Variants in PCDHGA2 observed in about 807,000 individuals in gnomAD.
The protein encoded by PCDHGA2 is protocadherin gamma subfamily A, 2.
In PCDHGA2, 40 loss-of-function variants were observed where a neutral mutation model predicts 59.2. That is an observed-to-expected ratio of 0.68 (90% CI 0.52 to 0.88). The LOEUF (loss-of-function observed/expected upper bound fraction) is 0.88, where lower values mean the gene tolerates loss of function less well. PCDHGA2 is among the 40% of genes least tolerant of loss of function. The probability of loss-of-function intolerance (pLI) is 0.00; values close to 1 mark genes in which losing one functional copy is unlikely to be tolerated. For missense variants in PCDHGA2, 1,226 were observed against 1,204.0 expected, an observed-to-expected ratio of 1.02 and a Z score of -0.27; for synonymous variants, 560 against 526.0, an observed-to-expected ratio of 1.06 and a Z score of -0.89.
At chr5:141,378,359 C>G (rs1254608030) in intron 1 of PCDHGA2, 1 of 152,222 alleles carries the variant, frequency 6.6e-6, no homozygotes, top group Non-Finnish European at 1.5e-5. Context: ...CCCGTCTCTA[C>G]TAAAAATACA....
At chr5:141,411,250 T>C (rs1009574489) in intron 1 of PCDHGA2, 1 of 152,156 alleles carries the variant, frequency 6.6e-6, no homozygotes, top group African/African-American at 2.4e-5. Context: ...ATTTACGATA[T>C]CTTATTTATA....
chr5:141,383,786 C>T, intron 1 of PCDHGA2: 1 of 1,613,928 alleles, frequency 6.2e-7, no homozygotes, highest in South Asian at 1.1e-5. Context: ...CATCTGAACT[C>T]GCTTACAGGA....
At position 141,491,514 on chromosome 5, in the gene PCDHGA2, G is replaced by A. The variant is rs753335815; in HGVS notation, c.2425-3293G>A. ...AGGTGAGCTCGGACGGCACGCTCAAGTACATGGAGGTGACGCTGCGGCCCA... is the reference window on the plus strand; with the variant it reads ...AGGTGAGCTCGGACGGCACGCTCAAATACATGGAGGTGACGCTGCGGCCCA... On this transcript the variant is annotated intron_variant, in intron 1 of 3. Coordinates refer to ENST00000394576, the MANE Select transcript of PCDHGA2 (RefSeq NM_018915.4). The surrounding 1 kb of genome is among the most constrained non-coding windows in gnomAD (Gnocchi z 6.9). 2 of 1,613,964 alleles carry A rather than the reference G, an allele frequency of 1.2e-6. No individual in the cohort carries two copies. Among genetic ancestry groups the A allele is most frequent in the East Asian group, 2.2e-5 (1 of 44,892 alleles).
intron 1 of PCDHGA2, chr5:141,384,712 T>C (rs1479257673): frequency 6.2e-7 from 1 of 1,614,074 alleles, no homozygotes; most frequent in Admixed American, 1.7e-5. Flanking sequence ...CGCCTGGCTG[T>C]CATACCTCCT....
chr5:141,506,688 T>G (rs114532236), intron 3 of PCDHGA2, among the ~76,000 whole-genome samples: 2,113 of 152,334 alleles, frequency 0.014, 37 homozygotes, highest in African/African-American at 0.048. Flanking sequence ...TTATCTTTGC[T>G]GACCCAAACC....
At chr5:141,347,082 TCCTCCTTCCTTCCTTC>T in intron 1 of PCDHGA2, among the ~76,000 whole-genome samples, 6 of 149,660 alleles carry the variant, frequency 4.0e-5, no homozygotes, top group Admixed American at 3.3e-4. Flanking sequence ...TCTCTCTCTT[TCCTCCTTCCTTCCTTC>T]CTCTCTCTCT....
chr5:141,481,207 C>T (rs1287298617), intron 1 of PCDHGA2, among the ~76,000 whole-genome samples: 3 of 152,154 alleles, frequency 2.0e-5, no homozygotes, highest in Non-Finnish European at 1.5e-5. Flanking sequence ...TTTTAAAAAA[C>T]ATGGTAAGGT....
In PCDHGA2 at chr5:141,395,061, C is replaced by G. The variant is rs751602382; in HGVS notation, c.2424+53666C>G. 1.5e-5 allele frequency: 25 copies of G among 1,614,158 alleles called. No individual in the cohort carries two copies. In the African/African-American group the frequency reaches 3.2e-4, roughly 21 times the overall value. On this transcript the variant is annotated intron_variant, in intron 1 of 3. Coordinates refer to ENST00000394576, the MANE Select transcript of PCDHGA2 (RefSeq NM_018915.4). ...GGGTGTTGAGGAGGTACAGGCTTTCCTGCAGACCTATTCCCAGGAAGTCTC... is the reference window on the plus strand; with the variant it reads ...GGGTGTTGAGGAGGTACAGGCTTTCGTGCAGACCTATTCCCAGGAAGTCTC...
intron 1 of PCDHGA2, chr5:141,362,353 C>T (rs1561526575): frequency 3.1e-6 from 5 of 1,613,956 alleles, no homozygotes; most frequent in South Asian, 1.1e-5. Context: ...ACCTGGGGTT[C>T]TCCCCAATTA....
chr5:141,375,176 G>A (rs1430924979), intron 1 of PCDHGA2: 2 of 1,613,900 alleles, frequency 1.2e-6, no homozygotes, highest in African/African-American at 1.3e-5. Context: ...TCCAGGAACA[G>A]TAATCGCCCT....
chr5:141,478,409 G>A, intron 1 of PCDHGA2: 1 of 1,613,016 alleles, frequency 6.2e-7, no homozygotes, highest in South Asian at 1.1e-5. Flanking sequence ...TCTCACCACG[G>A]ACTCCCGCCG....
rs760597232 is a variant in PCDHGA2, at chr5:141,339,842, GTA to G, written c.873_874del (p.Phe292Ter). ...LEKSPGETSEVFELKSTSGEL... is the reference protein window; with the variant it reads ...LEKSPGETSEXFELKSTSGEL... ...GAAAAGCCCTGGAGAAACCTCAGAG[GTA>G]TTTGAGCTTAAGTCAACATCTGGAG... On this transcript the variant is annotated frameshift_variant, in exon 1 of 4. Transcript: ENST00000394576. LOFTEE classifies it high-confidence loss of function. 1 of 1,614,112 alleles carries G rather than the reference GTA, an allele frequency of 6.2e-7. No individual in the cohort carries two copies. Among genetic ancestry groups the G allele is most frequent in the Admixed American group, 1.7e-5 (1 of 60,026 alleles).
rs771858105 is a variant in PCDHGA2 at position 141,428,074 on chromosome 5, G to A, written c.2425-66733G>A. 4.4e-6 allele frequency: 7 copies of A among 1,609,112 alleles called. No homozygotes were observed. The African/African-American group carries it at 5.3e-5, about 12-fold the overall frequency. On this transcript the variant is annotated intron_variant, in intron 1 of 3. Transcript: ENST00000394576. The stretch of plus-strand genomic sequence containing the variant: ...GTGGTGGCGGTGGACGCAGATTCGG[G>A]ACACAACGCTTGGCTGTCCTACCAC...
At chr5:141,403,708 T>C (rs1265644591) in intron 1 of PCDHGA2, 2 of 1,613,906 alleles carry the variant, frequency 1.2e-6, no homozygotes, top group South Asian at 1.1e-5. Flanking sequence ...TTAAAGTCCT[T>C]GAGAACGTGC....
intron 1 of PCDHGA2, chr5:141,356,142 C>G: frequency 6.2e-7 from 1 of 1,613,620 alleles, no homozygotes. Flanking sequence ...ACTCTGGATT[C>G]TATGACATAG....
chr5:141,375,877 G>A lies in PCDHGA2; in HGVS notation c.2424+34482G>A, dbSNP rs752155500. ...AGGTGGTGGCGGTGGACAGAGACTC[G>A]GGCCAGAACGCCTGGCTGTCCTACC... On this transcript the variant is annotated intron_variant, in intron 1 of 3. Transcript: ENST00000394576. 8 of 1,613,676 alleles carry A rather than the reference G, an allele frequency of 5.0e-6. No individual in the cohort carries two copies. In the East Asian group the frequency reaches 1.3e-4, roughly 27 times the overall value.
At chr5:141,362,104 A>G (rs1762332057) in intron 1 of PCDHGA2, 1 of 1,613,874 alleles carries the variant, frequency 6.2e-7, no homozygotes, top group Non-Finnish European at 8.5e-7. Context: ...ACTCTCCGCT[A>G]CGGCCACGCT....
Position 141,432,726 on chromosome 5 carries a change from C to T in PCDHGA2, c.2425-62081C>T, listed in dbSNP as rs777248611. The T allele has an allele frequency of 3.1e-6, 5 of 1,614,092 alleles. No homozygotes were observed. Among genetic ancestry groups the T allele is most frequent in the Non-Finnish European group, 3.4e-6 (4 of 1,179,998 alleles). On this transcript the variant is annotated intron_variant, in intron 1 of 3. Coordinates refer to ENST00000394576, the MANE Select transcript of PCDHGA2 (RefSeq NM_018915.4). This position sits in a 1 kb window ranked among gnomAD's most constrained non-coding sequence, Gnocchi z 6.0. ...GACCACGGCCAGCCCCCTCTCTCCG[C>T]CACTGTCACGCTCACCGTGGCCGTG...
intron 1 of PCDHGA2, chr5:141,411,213 CTATT>C (rs1479996814): frequency 1.3e-5 from 2 of 152,186 alleles, no homozygotes; most frequent in African/African-American, 2.4e-5. Context: ...AGTAACCTAT[CTATT>C]CAAATTTGCG....
Sources: gnomAD v4.1 joint callset for allele counts (sites outside exome capture counted in the v4.1 genomes callset) on GRCh38, gnomAD v4.1.1 for gene constraint, Gnocchi (gnomAD v3.1) non-coding constraint, MANE v1.5 for transcripts, NCBI Gene and HGNC (gene_info 2026-07-23, HGNC 2026-07-21) for gene names.